EXT1: variants seen among roughly 807,000 people sequenced by gnomAD.
EXT1 encodes exostosin-1.
Under a neutral mutation model 82.5 loss-of-function variants are expected in EXT1, and 20 were observed. The ratio of observed to expected loss-of-function variants is 0.24; its 90% confidence interval spans 0.17 to 0.35. The LOEUF (loss-of-function observed/expected upper bound fraction) is 0.35. EXT1 is among the 10% of genes least tolerant of loss of function. The probability of loss-of-function intolerance (pLI) is 1.00; values close to 1 mark genes in which losing one functional copy is unlikely to be tolerated. For synonymous variants in EXT1, 348 were observed against 350.8 expected (o/e 0.99, Z 0.09); for missense variants, 757 against 936.5 (o/e 0.81, Z 2.50).
chr8:117,878,810 G>A (rs1429057542), intron 1 of EXT1, among the ~76,000 whole-genome samples: 1 of 152,232 alleles, frequency 6.6e-6, no homozygotes, highest in Non-Finnish European at 1.5e-5. Context: ...ACAGTATGAT[G>A]AGGATGTCAT....
chr8:117,960,262 T>C (rs1173178754), intron 1 of EXT1, among the ~76,000 whole-genome samples: 1 of 152,158 alleles, frequency 6.6e-6, no homozygotes. Context: ...CCCAATAAAA[T>C]ATACAAAGTT....
At chr8:117,800,829 G>A (rs1178763736) in intron 10 of EXT1, among the ~76,000 whole-genome samples, 1 of 152,222 alleles carries the variant, frequency 6.6e-6, no homozygotes, top group African/African-American at 2.4e-5. Flanking sequence ...TCATGCAAAT[G>A]ATTGGCATTG....
chr8:117,980,789 C>T (rs995706225), intron 1 of EXT1, among the ~76,000 whole-genome samples: 1 of 146,888 alleles, frequency 6.8e-6, no homozygotes, highest in Non-Finnish European at 1.5e-5. Context: ...GTTTTCACAG[C>T]AGCTGGAGGG....
In EXT1 at chr8:117,837,127, C is replaced by G; in HGVS notation, c.1037G>C (p.Arg346Thr). 6.2e-7 allele frequency: 1 copy of G among 1,614,004 alleles called. No individual in the cohort carries two copies. Among genetic ancestry groups the G allele is most frequent in the Non-Finnish European group, 8.5e-7 (1 of 1,179,948 alleles). Residue 346 changes from arginine (R) to threonine (T), a missense_variant, in exon 2 of 11, where the codon AGA becomes ACA. Physicochemically the swap from Arg to Thr is moderately conservative, Grantham distance 71. This residue lies in a region of EXT1 where 247 missense variants were observed against 330.1 expected (regional missense o/e 0.75). Coordinates refer to ENST00000378204, the MANE Select transcript of EXT1 (RefSeq NM_000127.3). ...VPRGRRLGSFRFLEALQAACV... is the reference protein window; with the variant it reads ...VPRGRRLGSFTFLEALQAACV... ...TCTTACCTGCAAAGCCTCCAGGAATCTGAAGGACCCAAGCCTGCGACCACG... is the reference window on the plus strand; with the variant it reads ...TCTTACCTGCAAAGCCTCCAGGAATGTGAAGGACCCAAGCCTGCGACCACG...
At chr8:118,066,984 A>C (rs993018042) in intron 1 of EXT1, among the ~76,000 whole-genome samples, 2 of 152,222 alleles carry the variant, frequency 1.3e-5, no homozygotes, top group African/African-American at 4.8e-5. Flanking sequence ...TAAATGATGA[A>C]GTCAAATGGG....
chr8:117,866,880 C>A (rs1026749808), intron 1 of EXT1, among the ~76,000 whole-genome samples: 1 of 151,198 alleles, frequency 6.6e-6, no homozygotes, highest in Non-Finnish European at 1.5e-5. Flanking sequence ...ATAAGACCAA[C>A]TCTAAAAACA....
chr8:117,829,120 G>A (rs550029565), intron 4 of EXT1, among the ~76,000 whole-genome samples: 1 of 152,224 alleles, frequency 6.6e-6, no homozygotes, highest in African/African-American at 2.4e-5. Flanking sequence ...GGACACCTCA[G>A]AATCACCTCA....
At chr8:118,103,945 C>T (rs933902990) in intron 1 of EXT1, among the ~76,000 whole-genome samples, 1 of 152,184 alleles carries the variant, frequency 6.6e-6, no homozygotes, top group African/African-American at 2.4e-5. Context: ...ATACAAACAC[C>T]TGACTCACGC....
At chr8:117,993,081 A>G (rs1299751422) in intron 1 of EXT1, among the ~76,000 whole-genome samples, 1 of 152,206 alleles carries the variant, frequency 6.6e-6, no homozygotes, top group African/African-American at 2.4e-5. Context: ...CTTGTTGAAC[A>G]ATTTTTAAAA....
chr8:117,845,208 C>A (rs945812402), intron 1 of EXT1, among the ~76,000 whole-genome samples: 1 of 152,212 alleles, frequency 6.6e-6, no homozygotes, highest in Admixed American at 6.5e-5. Context: ...CATTCACTCT[C>A]ATATCCATGA....
At chr8:117,828,180 G>C (rs1036040594) in intron 4 of EXT1, among the ~76,000 whole-genome samples, 4 of 151,698 alleles carry the variant, frequency 2.6e-5, no homozygotes, top group African/African-American at 9.7e-5. Flanking sequence ...TATGTTTGTG[G>C]GGATATATAT....
intron 1 of EXT1, among the ~76,000 whole-genome samples, chr8:118,081,816 C>A (rs530920345): frequency 6.6e-6 from 1 of 152,310 alleles, no homozygotes; most frequent in Admixed American, 6.5e-5. Flanking sequence ...GTCTCTTACC[C>A]TGCCCCGGGG....
chr8:117,801,338 AG>A (rs869192498), intron 10 of EXT1, among the ~76,000 whole-genome samples: 3 of 146,672 alleles, frequency 2.0e-5, no homozygotes, highest in East Asian at 4.3e-4. Context: ...TCAAGGCTAG[AG>A]AGGGGCAGAA....
intron 1 of EXT1, among the ~76,000 whole-genome samples, chr8:117,892,084 C>T (rs926476327): frequency 1.3e-5 from 2 of 152,166 alleles, no homozygotes; most frequent in Non-Finnish European, 2.9e-5. Context: ...GGATTACAGG[C>T]GTGAGCCACC....
chr8:117,961,985 G>A (rs1443127598), intron 1 of EXT1, among the ~76,000 whole-genome samples: 2 of 152,106 alleles, frequency 1.3e-5, no homozygotes, highest in Non-Finnish European at 2.9e-5. Flanking sequence ...TGGGTAAATG[G>A]TACCTCATGT....
At chr8:118,061,445 T>C (rs1423482101) in intron 1 of EXT1, among the ~76,000 whole-genome samples, 1 of 152,210 alleles carries the variant, frequency 6.6e-6, no homozygotes, top group African/African-American at 2.4e-5. Context: ...ACACATTCAA[T>C]AGAAAATGTG....
rs190609445 is a variant in EXT1, at chr8:117,979,485, G to A, written c.962+130600C>T. On this transcript the variant is annotated intron_variant, in intron 1 of 10. Coordinates refer to ENST00000378204, the MANE Select transcript of EXT1 (RefSeq NM_000127.3). ...TTGTTTGGCAGAGGGTGATCAAGTA[G>A]CAAAAGTTCTGGAACTCAGATACCT... Among the ~76,000 whole-genome samples, 43 of 151,546 alleles carry A rather than the reference G, an allele frequency of 2.8e-4. No individual in the cohort carries two copies. In the East Asian group the frequency reaches 7.4e-3, roughly 26 times the overall value.
intron 1 of EXT1, among the ~76,000 whole-genome samples, chr8:117,848,711 C>T (rs1267453988): frequency 1.3e-5 from 2 of 152,134 alleles, no homozygotes; most frequent in African/African-American, 4.8e-5. Context: ...CCAGAGTCTC[C>T]TCACACCCTT....
intron 1 of EXT1, among the ~76,000 whole-genome samples, chr8:117,862,399 T>C: frequency 6.9e-6 from 1 of 145,954 alleles, no homozygotes; most frequent in Non-Finnish European, 1.5e-5. Flanking sequence ...TTTGATTATT[T>C]CCTTAACTTC....
Sources: gnomAD v4.1 joint callset for allele counts (sites outside exome capture counted in the v4.1 genomes callset) on GRCh38, gnomAD v4.1.1 for gene constraint, gnomAD v4.1.1 regional missense constraint, MANE v1.5 for transcripts, NCBI Gene and HGNC (gene_info 2026-07-23, HGNC 2026-07-21) for gene names.